Variants in DNAAF11 observed in about 807,000 individuals in gnomAD.
The protein encoded by DNAAF11 is leucine rich repeat containing 6.
A neutral mutation model predicts 60.8 loss-of-function variants in DNAAF11; 45 were observed. That is an observed-to-expected ratio of 0.74 (90% CI 0.58 to 0.95). The LOEUF (loss-of-function observed/expected upper bound fraction) is 0.95. DNAAF11 is among the 40% of genes least tolerant of loss of function. DNAAF11 has a pLI of 0.00. For missense variants in DNAAF11, 546 were observed against 546.2 expected, an observed-to-expected ratio of 1.00 and a Z score of 0.00; for synonymous variants, 191 against 183.5, an observed-to-expected ratio of 1.04 and a Z score of -0.33.
intron 1 of DNAAF11, among the ~76,000 whole-genome samples, chr8:132,674,123 GGAGGAGGAGGAGAAGGAGGAGGAA>G (rs1825485065): frequency 4.0e-5 from 5 of 125,008 alleles, no homozygotes; most frequent in Non-Finnish European, 8.0e-5. Context: ...AGGAGGAGGA[GGAGGAGGAGGAGAAGGAGGAGGAA>G]GAGGAGGAGG....
At chr8:132,622,549 G>A in intron 7 of DNAAF11, 62 bp downstream of exon 7, 2 of 1,232,418 alleles carry the variant, frequency 1.6e-6, no homozygotes, top group Non-Finnish European at 2.4e-6. Context: ...TTGAAACAAT[G>A]ATTGACCAAC....
chr8:132,638,800 T>C (rs1481283922), intron 3 of DNAAF11, among the ~76,000 whole-genome samples: 3 of 152,214 alleles, frequency 2.0e-5, no homozygotes, highest in Admixed American at 2.0e-4. Context: ...AGCCAGATGC[T>C]ATAGAAACTT....
At chr8:132,679,980 A>G (rs1825842035), upstream of DNAAF11, among the ~76,000 whole-genome samples, 1 of 152,208 alleles carries the variant, frequency 6.6e-6, no homozygotes. Flanking sequence ...CAGGGAAATC[A>G]GCAATATCTT....
chr8:132,654,053 A>T (rs1823290923), intron 3 of DNAAF11, among the ~76,000 whole-genome samples: 1 of 152,098 alleles, frequency 6.6e-6, no homozygotes, highest in African/African-American at 2.4e-5. Flanking sequence ...AAATAGTTGG[A>T]AAGGTAAAAG....
chr8:132,656,959 CTT>C (rs923503855), intron 2 of DNAAF11, 52 bp from the exon 3 acceptor site: 1 of 639,762 alleles, frequency 1.6e-6, no homozygotes, highest in Non-Finnish European at 2.7e-6. Context: ...AATAAAGACA[CTT>C]TTATGTAATC....
Position 132,657,341 on chromosome 8 carries a change from A to G in DNAAF11, c.179-434T>C, listed in dbSNP as rs113593865. ...GGAAGGATCTATATTCCATGCTTGG[A>G]GGGTTCTTATCTCTTTTTCCTGCTG... is the stretch of plus-strand genomic sequence containing the variant. On this transcript the variant is annotated intron_variant, in intron 2 of 11. Coordinates refer to ENST00000620350, the MANE Select transcript of DNAAF11 (RefSeq NM_012472.6). 3.7e-3 allele frequency among the ~76,000 whole-genome samples: 556 copies of G among 152,290 alleles called. 3 individuals are homozygous for G. Among genetic ancestry groups the G allele is most frequent in the African/African-American group, 0.013 (523 of 41,556 alleles).
intron 3 of DNAAF11, among the ~76,000 whole-genome samples, chr8:132,652,169 T>C (rs1823084100): frequency 1.3e-5 from 2 of 152,304 alleles, no homozygotes; most frequent in East Asian, 1.9e-4. Context: ...CTCTATTCCA[T>C]GGCCCTGCAC....
At chr8:132,582,492 T>G (rs1336398743) in intron 11 of DNAAF11, among the ~76,000 whole-genome samples, 1 of 152,220 alleles carries the variant, frequency 6.6e-6, no homozygotes, top group Non-Finnish European at 1.5e-5. Context: ...CATGTGTTGA[T>G]GCTGCTGGGG....
Position 132,661,591 on chromosome 8 carries a change from T to A in DNAAF11, c.47A>T (p.Asn16Ile), listed in dbSNP as rs778465163. The change falls in exon 2 of 12, where the codon AAC becomes ATC. Residue 16 changes from asparagine (N) to isoleucine (I), a missense_variant. Asn to Ile is a moderately radical substitution (Grantham distance 149). Coordinates refer to ENST00000620350, the MANE Select transcript of DNAAF11 (RefSeq NM_012472.6). ...EDLIRRNAEHNDCVIFSLEEL... is the reference protein window; with the variant it reads ...EDLIRRNAEHIDCVIFSLEEL... Reference sequence around the variant, plus strand: ...CTCCAGGGAAAAAATGACACAGTCGTTGTGTTCAGCATTCCGTCTAATAAG... The same window carrying A: ...CTCCAGGGAAAAAATGACACAGTCGATGTGTTCAGCATTCCGTCTAATAAG... 38 of 1,614,036 alleles carry A rather than the reference T, an allele frequency of 2.4e-5. No individual in the cohort carries two copies. Among genetic ancestry groups the A allele is most frequent in the Non-Finnish European group, 3.1e-5 (36 of 1,180,004 alleles).
At chr8:132,620,661 T>C (rs1365281549) in intron 7 of DNAAF11, among the ~76,000 whole-genome samples, 1 of 152,112 alleles carries the variant, frequency 6.6e-6, no homozygotes, top group Non-Finnish European at 1.5e-5. Context: ...TGATGAACCA[T>C]AAAACTAAAG....
chr8:132,648,117 A>G (rs1822593389), intron 3 of DNAAF11, among the ~76,000 whole-genome samples: 3 of 152,322 alleles, frequency 2.0e-5, no homozygotes, highest in South Asian at 4.1e-4. Context: ...TCAATAAAAT[A>G]CTGGCAAACC....
At chr8:132,575,647 G>C (rs2130952000) in intron 11 of DNAAF11, among the ~76,000 whole-genome samples, 2 of 152,300 alleles carry the variant, frequency 1.3e-5, no homozygotes, top group Middle Eastern at 6.8e-3. Context: ...AGGAATCATA[G>C]AGTAAGGGAA....
At chr8:132,644,841 G>A (rs560345256) in intron 3 of DNAAF11, among the ~76,000 whole-genome samples, 3 of 152,320 alleles carry the variant, frequency 2.0e-5, no homozygotes, top group East Asian at 1.9e-4. Context: ...CGGGAAGCTC[G>A]AACTGGGTGG....
chr8:132,610,350 G>C, intron 9 of DNAAF11, 89 bp from the exon 10 acceptor site: 1 of 788,488 alleles, frequency 1.3e-6, no homozygotes, highest in Non-Finnish European at 2.2e-6. Flanking sequence ...ACAAATTCAA[G>C]ATACACCATT....
intron 8 of DNAAF11, among the ~76,000 whole-genome samples, chr8:132,612,843 G>A (rs1352149653): frequency 6.6e-6 from 1 of 152,152 alleles, no homozygotes; most frequent in East Asian, 1.9e-4. Context: ...AGAATCATGG[G>A]AATGAAAGAG....
intron 7 of DNAAF11, among the ~76,000 whole-genome samples, chr8:132,620,032 G>A (rs1819598278): frequency 1.3e-5 from 2 of 152,190 alleles, no homozygotes; most frequent in East Asian, 1.9e-4. Flanking sequence ...GACTGTGGAA[G>A]TGTCAGATGA....
At chr8:132,574,050 T>A (rs975081858) in intron 11 of DNAAF11, among the ~76,000 whole-genome samples, 1 of 152,166 alleles carries the variant, frequency 6.6e-6, no homozygotes, top group Non-Finnish European at 1.5e-5. Flanking sequence ...GGAGAATTAA[T>A]GCTCCAGAGA....
chr8:132,591,958 T>C (rs1816511146), intron 10 of DNAAF11, among the ~76,000 whole-genome samples: 1 of 152,174 alleles, frequency 6.6e-6, no homozygotes, highest in African/African-American at 2.4e-5. Context: ...TATTTATCTT[T>C]ATTTATTTTC....
intron 10 of DNAAF11, among the ~76,000 whole-genome samples, chr8:132,585,481 G>T (rs1815794272): frequency 6.6e-6 from 1 of 152,062 alleles, no homozygotes; most frequent in Admixed American, 6.6e-5. Flanking sequence ...ACTAGACTGG[G>T]GGAAAATAAT....
Sources: gnomAD v4.1 joint callset for allele counts (sites outside exome capture counted in the v4.1 genomes callset) on GRCh38, gnomAD v4.1.1 for gene constraint, MANE v1.5 for transcripts, NCBI Gene and HGNC (gene_info 2026-07-23, HGNC 2026-07-21) for gene names.